The following FGF12 variants were observed in gnomAD, a reference collection of about 807,000 sequenced individuals.
The protein encoded by FGF12 is fibroblast growth factor 12, also known as fibroblast growth factor 12B.
In FGF12, 14 loss-of-function variants were observed where a neutral mutation model predicts 23.6. The observed-to-expected ratio is 0.59, with a 90% CI of 0.39 to 0.93. The LOEUF is 0.93. FGF12 is among the 40% of genes least tolerant of loss of function. FGF12 has a pLI of 0.00. For synonymous variants in FGF12, 62 were observed against 77.3 expected (o/e 0.80, Z 1.04); for missense variants, 175 against 217.8 (o/e 0.80, Z 1.24).
At chr3:192,513,737 G>C (rs1031407290) in intron 2 of FGF12, among the ~76,000 whole-genome samples, 1 of 152,118 alleles carries the variant, frequency 6.6e-6, no homozygotes, top group African/African-American at 2.4e-5. Context: ...TTGGCAAAAA[G>C]ACACTTGTCT....
intron 4 of FGF12, among the ~76,000 whole-genome samples, chr3:192,195,556 AGT>A (rs1386511060): frequency 1.3e-5 from 2 of 152,194 alleles, no homozygotes; most frequent in East Asian, 3.9e-4. Context: ...TGTGCCACAT[AGT>A]GTAGGTGTAT....
chr3:192,616,945 G>A (rs1266052244), intron 2 of FGF12, among the ~76,000 whole-genome samples: 1 of 151,866 alleles, frequency 6.6e-6, no homozygotes, highest in Non-Finnish European at 1.5e-5. Context: ...GAAAGTTTGG[G>A]GGACACAGGC....
chr3:192,648,777 TGCAGAAA>T (rs1716105027), intron 2 of FGF12, among the ~76,000 whole-genome samples: 1 of 152,194 alleles, frequency 6.6e-6, no homozygotes, highest in African/African-American at 2.4e-5. Context: ...AAACAATGCT[TGCAGAAA>T]GCAGAATAAA....
chr3:192,516,419 G>C (rs1724668425), intron 2 of FGF12: 1 of 152,234 alleles, frequency 6.6e-6, no homozygotes, highest in Non-Finnish European at 1.5e-5. Context: ...TAACTGGTTA[G>C]CTCTTCCCTG....
At chr3:192,631,100 T>C (rs1715376493) in intron 2 of FGF12, among the ~76,000 whole-genome samples, 1 of 152,186 alleles carries the variant, frequency 6.6e-6, no homozygotes, top group South Asian at 2.1e-4. Context: ...CTTTCTCCAG[T>C]TCCTGAGCCA....
chr3:192,339,551 TC>T (rs1265972891), intron 3 of FGF12, among the ~76,000 whole-genome samples: 3 of 152,088 alleles, frequency 2.0e-5, no homozygotes, highest in Non-Finnish European at 4.4e-5. Flanking sequence ...TTTCCTAAGT[TC>T]CCCCTCGATC....
intron 2 of FGF12, among the ~76,000 whole-genome samples, chr3:192,682,342 A>G (rs1251714876): frequency 6.6e-6 from 1 of 152,080 alleles, no homozygotes; most frequent in Non-Finnish European, 1.5e-5. Context: ...TTGCATGAAA[A>G]TTTCCGTCCG....
rs560244174 is a variant in FGF12 at position 192,618,949 on chromosome 3, T to A, written c.13+108232A>T. Among the ~76,000 whole-genome samples the A allele has an allele frequency of 1.3e-3, 197 of 151,878 alleles. 4 individuals are homozygous for A. The South Asian group carries it at 0.04, about 31-fold the overall frequency. ...AGGTTCCAGCCAGCCAATTAAAAAA[T>A]CATATAACATGTTAACCACTTAAAA... is the stretch of plus-strand genomic sequence containing the variant. On this transcript the variant is annotated intron_variant, in intron 2 of 5. Transcript: ENST00000445105.
chr3:192,141,893 T>C lies in FGF12; in HGVS notation c.*2116A>G, dbSNP rs940581034. 6.6e-6 allele frequency: 1 copy of C among 152,128 alleles called. No homozygotes were observed. Among genetic ancestry groups the C allele is most frequent in the Non-Finnish European group, 1.5e-5 (1 of 67,858 alleles). 9.4% of individuals were successfully genotyped at this position (152,128 alleles called of 1,614,324 possible). On this transcript the variant is annotated 3_prime_UTR_variant, in exon 6 of 6. Transcript: ENST00000445105. ...GTGTTGAAGTTTCTTTTTTATTTTT[T>C]TCAAATAAAATAAGCTTTGTGCTTG...
intron 2 of FGF12, among the ~76,000 whole-genome samples, chr3:192,427,209 C>T (rs976393755): frequency 2.4e-4 from 36 of 151,924 alleles, no homozygotes; most frequent in African/African-American, 6.5e-4. Flanking sequence ...GGTGAAACCC[C>T]GTCTCTACTA....
At chr3:192,214,556 A>G (rs1718094252) in intron 4 of FGF12, among the ~76,000 whole-genome samples, 1 of 152,244 alleles carries the variant, frequency 6.6e-6, no homozygotes, top group Admixed American at 6.5e-5. Context: ...AAGGAGCTCT[A>G]ACTACAAACT....
intron 2 of FGF12, among the ~76,000 whole-genome samples, chr3:192,687,217 A>G (rs142223152): frequency 5.3e-4 from 81 of 151,788 alleles, no homozygotes; most frequent in African/African-American, 1.8e-3. Context: ...CCTTGGGACT[A>G]AAAACATATA....
chr3:192,594,658 A>T (rs991969669), intron 2 of FGF12, among the ~76,000 whole-genome samples: 11 of 151,674 alleles, frequency 7.3e-5, no homozygotes, highest in African/African-American at 2.2e-4. Context: ...GGCCCCCATG[A>T]TGGGATTGGT....
intron 5 of FGF12, 32 bp downstream of exon 5, chr3:192,170,426 G>A (rs1364324604): frequency 6.3e-7 from 1 of 1,581,736 alleles, no homozygotes. Flanking sequence ...CACAGATAAG[G>A]GTCCAACAAA....
At chr3:192,615,458 A>G (rs1042272917) in intron 2 of FGF12, among the ~76,000 whole-genome samples, 2 of 151,862 alleles carry the variant, frequency 1.3e-5, no homozygotes. Context: ...TGTAACTCCA[A>G]TTCTCCATTT....
At chr3:192,725,581 T>C (rs1252632853) in intron 2 of FGF12, among the ~76,000 whole-genome samples, 1 of 152,090 alleles carries the variant, frequency 6.6e-6, no homozygotes. Context: ...CGAAGGAAAA[T>C]AAAAGATTAC....
At chr3:192,224,247 G>A (rs1560198907) in intron 4 of FGF12, among the ~76,000 whole-genome samples, 1 of 152,036 alleles carries the variant, frequency 6.6e-6, no homozygotes, top group East Asian at 1.9e-4. Context: ...GATGATAGTG[G>A]TGATGATGAT....
At chr3:192,290,895 A>G (rs1001501661) in intron 4 of FGF12, among the ~76,000 whole-genome samples, 10 of 152,198 alleles carry the variant, frequency 6.6e-5, no homozygotes, top group African/African-American at 2.4e-4. Flanking sequence ...CTTCAAAAAA[A>G]AGGACACATA....
intron 2 of FGF12, among the ~76,000 whole-genome samples, chr3:192,482,515 T>G (rs1352369873): frequency 6.6e-6 from 1 of 152,098 alleles, no homozygotes; most frequent in Non-Finnish European, 1.5e-5. Flanking sequence ...ATGCCTGTAA[T>G]CCCAGCTACT....
Sources: allele counts gnomAD v4.1 joint callset (sites outside exome capture counted in the v4.1 genomes callset), GRCh38; gene constraint gnomAD v4.1.1; transcripts MANE v1.5; gene names NCBI Gene and HGNC (gene_info 2026-07-23, HGNC 2026-07-21).